KIAA0586: variants seen among roughly 807,000 people sequenced by gnomAD.
KIAA0586 encodes the protein protein TALPID3.
A neutral mutation model predicts 169.8 loss-of-function variants in KIAA0586; 144 were observed. That is an observed-to-expected ratio of 0.85 (90% confidence interval 0.74 to 0.97). KIAA0586 has a LOEUF of 0.97. Among genes scored for constraint, KIAA0586 ranks in the 50% least tolerant of loss-of-function variants. The pLI, the probability that KIAA0586 is intolerant of heterozygous loss-of-function variation, is 0.00. For synonymous variants in KIAA0586, 625 were observed against 612.4 expected, an observed-to-expected ratio of 1.02 and a Z score of -0.30; for missense variants, 1,854 against 1,823.0, an observed-to-expected ratio of 1.02 and a Z score of -0.31.
intron 21 of KIAA0586, 25 bp from the exon 22 acceptor site, chr14:58,486,982 G>A: frequency 6.4e-7 from 1 of 1,560,730 alleles, no homozygotes; most frequent in Non-Finnish European, 8.7e-7. Flanking sequence ...TATAAACACA[G>A]TTTATCTTGT....
intron 30 of KIAA0586, among the ~76,000 whole-genome samples, chr14:58,543,640 G>A (rs184541396): frequency 4.4e-4 from 67 of 152,138 alleles, no homozygotes; most frequent in African/African-American, 1.5e-3. Context: ...TTTCATCACC[G>A]CTCCCAAGTT....
In KIAA0586 at chr14:58,487,079, T is replaced by A; in HGVS notation, c.3217T>A (p.Cys1073Ser). The A allele has an allele frequency of 1.9e-6, 3 of 1,612,952 alleles. No homozygotes were observed. The South Asian group carries it at 3.3e-5, about 18-fold the overall frequency. ...CTCACCTTCATCACCTGCTAAGGAG[T>A]GTGTTTTGGTAAAGACTCCAGATTC... ...PCSPSSPAKE[C>S]VLVKTPDSSP... Residue 1073 changes from cysteine (C) to serine (S), a missense_variant, in exon 22 of 31, where the codon TGT (cysteine) becomes AGT (serine). Transcript: ENST00000652326.
At chr14:58,477,883 T>G (rs1038856714) in intron 20 of KIAA0586, among the ~76,000 whole-genome samples, 6 of 152,004 alleles carry the variant, frequency 3.9e-5, no homozygotes, top group African/African-American at 1.4e-4. Context: ...CCCCATTCTC[T>G]TCCCCATTTT....
At chr14:58,457,075 C>T (rs985694928) in intron 10 of KIAA0586, among the ~76,000 whole-genome samples, 6 of 152,162 alleles carry the variant, frequency 3.9e-5, no homozygotes, top group Non-Finnish European at 8.8e-5. Flanking sequence ...GGAAAAGAGA[C>T]CTGTGAGTGA....
chr14:58,443,098 T>C (rs2038544451), intron 5 of KIAA0586, among the ~76,000 whole-genome samples: 1 of 152,232 alleles, frequency 6.6e-6, no homozygotes, highest in African/African-American at 2.4e-5. Flanking sequence ...TTTAGAACTT[T>C]CCCAGTTTTA....
intron 30 of KIAA0586, among the ~76,000 whole-genome samples, chr14:58,546,492 T>C (rs1458618884): frequency 2.0e-5 from 3 of 152,238 alleles, no homozygotes; most frequent in African/African-American, 7.2e-5. Flanking sequence ...GAAAAATTAC[T>C]GTGACTCTTG....
intron 29 of KIAA0586, among the ~76,000 whole-genome samples, chr14:58,524,611 T>C (rs2045452740): frequency 6.6e-6 from 1 of 152,232 alleles, no homozygotes; most frequent in Admixed American, 6.5e-5. Flanking sequence ...ACAAATTGCA[T>C]GAGTTCAAAT....
chr14:58,552,243 T>G (rs906539883), downstream of KIAA0586, among the ~76,000 whole-genome samples: 8 of 152,240 alleles, frequency 5.3e-5, no homozygotes, highest in African/African-American at 1.9e-4. Flanking sequence ...GGGAATTTCA[T>G]GAAGGCAGTG....
chr14:58,536,656 A>G (rs1322841225), intron 29 of KIAA0586, among the ~76,000 whole-genome samples: 1 of 152,206 alleles, frequency 6.6e-6, no homozygotes, highest in Non-Finnish European at 1.5e-5. Context: ...TGGAAAAGGC[A>G]CAGTGTGTAC....
At chr14:58,561,054 T>C in the KIAA0586 span, among the ~76,000 whole-genome samples, 11 of 152,216 alleles carry the variant, frequency 7.2e-5, no homozygotes, top group Non-Finnish European at 1.2e-4. Flanking sequence ...AGGGCTTATA[T>C]AGGAGTGATG....
In KIAA0586 at chr14:58,488,544, G is replaced by A. The variant is rs149080512; in HGVS notation, c.3528-77G>A. On this transcript the variant is annotated intron_variant, in intron 23 of 30. Transcript: ENST00000652326. ...TTTTGCTAAAGGAGACATAGTCTTC[G>A]AGTCTGTTTTTTATATCAAAATGAA... is the stretch of plus-strand genomic sequence containing the variant. 806 of 1,501,428 alleles carry A rather than the reference G, an allele frequency of 5.4e-4. 6 individuals carry two copies. The African/African-American group carries it at 9.8e-3, about 18-fold the overall frequency. 93.0% of individuals were successfully genotyped at this position (1,501,428 alleles called of 1,614,324 possible).
chr14:58,440,581 C>T (rs2038245938), intron 4 of KIAA0586, among the ~76,000 whole-genome samples: 1 of 152,232 alleles, frequency 6.6e-6, no homozygotes, highest in African/African-American at 2.4e-5. Context: ...ATCCACCCGC[C>T]TTAGCCTCCC....
intron 1 of KIAA0586, 80 bp downstream of exon 1, chr14:58,428,543 A>T: frequency 9.5e-7 from 1 of 1,052,794 alleles, no homozygotes; most frequent in Non-Finnish European, 1.4e-6. Context: ...TCCCAAACGT[A>T]AGATATAAGT....
At chr14:58,539,993 C>T in intron 29 of KIAA0586, 78 bp from the exon 30 acceptor site, 1 of 870,178 alleles carries the variant, frequency 1.1e-6, no homozygotes, top group Admixed American at 2.5e-5. Flanking sequence ...GGTTTGTGTT[C>T]TTTTAGTGAA....
At chr14:58,487,782 G>T (rs1415472164) in intron 22 of KIAA0586, 105 bp from the exon 23 acceptor site, 3 of 647,998 alleles carry the variant, frequency 4.6e-6, no homozygotes, top group Non-Finnish European at 8.1e-6. Flanking sequence ...GCCATTATTT[G>T]TGTGCTAAAA....
intron 29 of KIAA0586, chr14:58,537,098 GT>G: frequency 8.2e-7 from 1 of 1,224,764 alleles, no homozygotes; most frequent in Non-Finnish European, 1.0e-6. Context: ...CGTGTTTGCT[GT>G]TTTAATCATC....
At chr14:58,480,590 G>A (rs1185217681) in intron 20 of KIAA0586, among the ~76,000 whole-genome samples, 1 of 152,062 alleles carries the variant, frequency 6.6e-6, no homozygotes, top group East Asian at 1.9e-4. Context: ...CTCATCTTTA[G>A]TATGTCTAAA....
At chr14:58,556,808 C>G in the KIAA0586 span, among the ~76,000 whole-genome samples, 3 of 152,094 alleles carry the variant, frequency 2.0e-5, no homozygotes, top group Non-Finnish European at 4.4e-5. Flanking sequence ...TGCAATGGCT[C>G]GATCTCGGCT....
rs764114899 is a variant in KIAA0586 at position 58,488,687 on chromosome 14, A to G, written c.3594A>G (p.Pro1198=). Residue 1198 remains proline, a synonymous_variant, in exon 24 of 31, where the codon CCA becomes CCG. Coordinates refer to ENST00000652326, the MANE Select transcript of KIAA0586 (RefSeq NM_001329943.3). The stretch of plus-strand genomic sequence containing the variant: ...ATTTCCCTGCTCAGCCTCCACCTCC[A>G]GAGCCAGTTCCCTTTATGCCATTTC... The part of the protein sequence containing the change: ...SMDFPAQPPP[P]EPVPFMPFPA... 8.1e-6 allele frequency: 13 copies of G among 1,613,784 alleles called. No homozygotes were observed. In the Admixed American group the frequency reaches 1.5e-4, roughly 19 times the overall value.
Sources: gnomAD v4.1 joint callset for allele counts (sites outside exome capture counted in the v4.1 genomes callset) on GRCh38, gnomAD v4.1.1 for gene constraint, MANE v1.5 for transcripts, NCBI Gene and HGNC (gene_info 2026-07-23, HGNC 2026-07-21) for gene names.